Variants in MTPAP observed in about 807,000 individuals in gnomAD.
MTPAP encodes poly(A) RNA polymerase, mitochondrial.
MTPAP carries 23 observed loss-of-function variants against 48.7 expected under a neutral mutation model. The ratio of observed to expected loss-of-function variants is 0.47; its 90% CI spans 0.34 to 0.67. MTPAP has a LOEUF of 0.67. MTPAP is among the 30% of genes least tolerant of loss of function. MTPAP has a pLI of 0.01. For synonymous variants in MTPAP, 257 were observed against 254.1 expected (o/e 1.01, Z -0.11); for missense variants, 614 against 694.3 (o/e 0.88, Z 1.30).
chr10:30,341,956 G>T (rs895440997), intron 1 of MTPAP, among the ~76,000 whole-genome samples: 6 of 152,052 alleles, frequency 3.9e-5, no homozygotes, highest in Non-Finnish European at 5.9e-5. Flanking sequence ...TAATAACAAC[G>T]GGCCGGGCTT....
At chr10:30,314,120 T>A in intron 8 of MTPAP, 149 bp from the exon 9 acceptor site, 1 of 942,938 alleles carries the variant, frequency 1.1e-6, no homozygotes, top group Non-Finnish European at 1.6e-6. Context: ...ATTGAGTATG[T>A]ATGCATGGTG....
In MTPAP at chr10:30,340,730, C is replaced by T. The variant is rs149134369; in HGVS notation, c.331-280G>A. 3.8e-3 allele frequency among the ~76,000 whole-genome samples: 584 copies of T among 152,178 alleles called. 3 individuals are homozygous for T. Among genetic ancestry groups the T allele is most frequent in the African/African-American group, 0.013 (534 of 41,518 alleles). On this transcript the variant is annotated intron_variant, in intron 2 of 8. Transcript: ENST00000263063. ...GGTCAAGAGTTCAAGACCAGCCTGGCCAACATGGTGAAACCTCGCCTCTAC... is the reference window on the plus strand; with the variant it reads ...GGTCAAGAGTTCAAGACCAGCCTGGTCAACATGGTGAAACCTCGCCTCTAC...
intron 8 of MTPAP, among the ~76,000 whole-genome samples, chr10:30,314,496 A>T (rs570891019): frequency 6.6e-6 from 1 of 152,186 alleles, no homozygotes; most frequent in Non-Finnish European, 1.5e-5. Context: ...AAAGAGGAGG[A>T]ACAAAGGATT....
chr10:30,326,728 G>A (rs1834602154), intron 4 of MTPAP, 93 bp from the exon 5 acceptor site: 2 of 932,562 alleles, frequency 2.1e-6, no homozygotes, highest in Admixed American at 2.4e-5. Flanking sequence ...AATCACTGCT[G>A]GAAAGCAAAA....
At chr10:30,341,678 C>G in intron 1 of MTPAP, 38 bp from the exon 2 acceptor site, 2 of 1,609,462 alleles carry the variant, frequency 1.2e-6, no homozygotes, top group Non-Finnish European at 1.7e-6. Flanking sequence ...CACACGCACA[C>G]ACACAAAATT....
chr10:30,314,884 C>CAAAAAAAAACAAAAA (rs1840641365), intron 8 of MTPAP, among the ~76,000 whole-genome samples: 2 of 110,746 alleles, frequency 1.8e-5, no homozygotes, highest in Non-Finnish European at 3.5e-5. Context: ...AAAACAAAAA[C>CAAAAAAAAACAAAAA]AAAAAAAAAA....
Position 30,336,982 on chromosome 10 carries a change from C to G in MTPAP, c.601G>C (p.Glu201Gln), listed in dbSNP as rs1194034325. The G allele has an allele frequency of 6.2e-7, 1 of 1,613,616 alleles. No homozygotes were observed. Among genetic ancestry groups the G allele is most frequent in the Non-Finnish European group, 8.5e-7 (1 of 1,180,036 alleles). ...NTLLKEFQLT[E>Q]ENTKLRYLTC... ...AGATATCGGAGCTTAGTGTTCTCCT[C>G]TGTTAGCTGGAACTCCTTCAAGAGA... is the stretch of plus-strand genomic sequence containing the variant. The change falls in exon 4 of 9, where the codon GAG becomes CAG. Residue 201 changes from glutamate to glutamine, a missense_variant. Physicochemically the swap from Glu to Gln is conservative, Grantham distance 29. Around this residue, in one of 5 missense-constraint regions of MTPAP, gnomAD observed 261 missense variants for 355.4 expected, o/e 0.73. Coordinates refer to ENST00000263063, the MANE Select transcript of MTPAP (RefSeq NM_018109.4).
intron 4 of MTPAP, 34 bp from the exon 5 acceptor site, chr10:30,326,669 T>C: frequency 6.4e-7 from 1 of 1,565,020 alleles, no homozygotes; most frequent in Non-Finnish European, 8.8e-7. Context: ...ATAGGAGCTT[T>C]TGGTAAAAAA....
intron 6 of MTPAP, among the ~76,000 whole-genome samples, chr10:30,319,723 T>C (rs73252711): frequency 1.2e-3 from 185 of 152,318 alleles, no homozygotes; most frequent in African/African-American, 4.3e-3. Flanking sequence ...TCAAAAACCA[T>C]AGGTGATGGA....
intron 8 of MTPAP, among the ~76,000 whole-genome samples, chr10:30,315,517 A>AC (rs1324775966): frequency 6.6e-6 from 1 of 151,322 alleles, no homozygotes; most frequent in South Asian, 2.1e-4. Context: ...AAAAAAAACA[A>AC]AACAAAACAA....
chr10:30,314,884 C>CAAAAAAAAAAAAAAAAAAA lies in MTPAP; in HGVS notation c.1387-932_1387-914dup, dbSNP rs34249388. On this transcript the variant is annotated intron_variant, in intron 8 of 8. Coordinates refer to ENST00000263063, the MANE Select transcript of MTPAP (RefSeq NM_018109.4). ...GAGACTCTGTCTCAAAAAACAAAAA[C>CAAAAAAAAAAAAAAAAAAA]AAAAAAAAAAAAAAAAAAAAAGAAG... Among the ~76,000 whole-genome samples the CAAAAAAAAAAAAAAAAAAA allele has an allele frequency of 1.5e-3, 164 of 110,736 alleles. 2 individuals are homozygous for CAAAAAAAAAAAAAAAAAAA. The highest frequency in any genetic ancestry group is 2.0e-3 in the Non-Finnish European group (112 of 56,966). The allele number at this position is 110,736 out of a possible 152,430, so 72.6% of individuals were successfully genotyped here.
Position 30,336,833 on chromosome 10 carries a change from T to C in MTPAP, c.750A>G (p.Leu250=). ...LGCDLDMFLD[L]DETRNLSAHK... The stretch of plus-strand genomic sequence containing the variant: ...GAGCGCTGAGGTTTCTGGTTTCATC[T>C]AGATCCAAAAACATGTCCAAATCAC... The change falls in exon 4 of 9, where the codon CTA becomes CTG. Residue 250 remains leucine (L), a synonymous_variant. Coordinates refer to ENST00000263063, the MANE Select transcript of MTPAP (RefSeq NM_018109.4). The C allele has an allele frequency of 5.6e-6, 9 of 1,612,040 alleles. No individual in the cohort carries two copies. Among genetic ancestry groups the C allele is most frequent in the Non-Finnish European group, 6.8e-6 (8 of 1,179,612 alleles).
At chr10:30,337,107 T>C in intron 3 of MTPAP, 80 bp from the exon 4 acceptor site, 1 of 1,232,322 alleles carries the variant, frequency 8.1e-7, no homozygotes, top group South Asian at 1.2e-5. Flanking sequence ...TTTCAAAGAT[T>C]TGGTGGCGTT....
At chr10:30,326,969 T>A (rs891371601) in intron 4 of MTPAP, among the ~76,000 whole-genome samples, 7 of 152,178 alleles carry the variant, frequency 4.6e-5, no homozygotes, top group African/African-American at 1.4e-4. Context: ...GAACATATAC[T>A]TGCCCCTTCC....
At chr10:30,331,261 T>C (rs1189091102) in intron 4 of MTPAP, among the ~76,000 whole-genome samples, 4 of 152,248 alleles carry the variant, frequency 2.6e-5, no homozygotes, top group Non-Finnish European at 4.4e-5. Context: ...TATAGCACTA[T>C]CTGTTTATTA....
Position 30,313,790 on chromosome 10 carries a change from C to T in MTPAP, c.1568G>A (p.Arg523Gln), listed in dbSNP as rs779219847. The change falls in exon 9 of 9, where the codon CGG becomes CAG. Residue 523 changes from arginine to glutamine, a missense_variant. Arg to Gln is a conservative substitution (Grantham distance 43). Transcript: ENST00000263063. ...CAATAGGGATACCAGCCCCCAGGGC[C>T]GATTACTTGATATGGAAGGTCGATC... ...DTDRPSISSN[R>Q]PWGLVSLLLP... The T allele has an allele frequency of 5.0e-6, 8 of 1,614,094 alleles. No individual in the cohort carries two copies. In the Admixed American group the frequency reaches 5.0e-5, roughly 10 times the overall value.
At chr10:30,316,267 G>A in intron 6 of MTPAP, 57 bp from the exon 7 acceptor site, 1 of 1,285,718 alleles carries the variant, frequency 7.8e-7, no homozygotes, top group Non-Finnish European at 1.1e-6. Flanking sequence ...GCCTGAGATG[G>A]AGTCTCACTC....
intron 8 of MTPAP, among the ~76,000 whole-genome samples, chr10:30,315,188 CTT>C (rs1840646618): frequency 6.9e-6 from 1 of 145,534 alleles, no homozygotes; most frequent in Admixed American, 7.2e-5. Context: ...CGAATGAATC[CTT>C]TCTCTCTCCT....
intron 1 of MTPAP, among the ~76,000 whole-genome samples, chr10:30,347,640 C>A (rs1452221649): frequency 1.3e-5 from 2 of 152,190 alleles, no homozygotes; most frequent in Non-Finnish European, 2.9e-5. Flanking sequence ...GCCTGTAATC[C>A]CAGCACTTTG....
Sources: allele counts gnomAD v4.1 joint callset (sites outside exome capture counted in the v4.1 genomes callset), GRCh38; gene constraint gnomAD v4.1.1; regional missense constraint gnomAD v4.1.1; transcripts MANE v1.5; gene names NCBI Gene and HGNC (gene_info 2026-07-23, HGNC 2026-07-21).